The following NEURL1 variants were observed in gnomAD, a reference collection of about 807,000 sequenced individuals.
The protein encoded by NEURL1 is neuralized E3 ubiquitin protein ligase 1.
Under a neutral mutation model 41.2 loss-of-function variants are expected in NEURL1, and 26 were observed. The observed-to-expected ratio is 0.63, with a 90% confidence interval of 0.46 to 0.87. NEURL1 has a LOEUF of 0.87. Ranked by LOEUF, NEURL1 falls within the 40% of genes least tolerant of loss-of-function variation. The pLI is 0.00. For missense variants in NEURL1, 761 were observed against 871.1 expected (o/e 0.87, Z 1.59); for synonymous variants, 400 against 402.3 (o/e 0.99, Z 0.07).
At chr10:103,571,948 G>C in intron 3 of NEURL1, 126 bp downstream of exon 3, 2 of 962,202 alleles carry the variant, frequency 2.1e-6, no homozygotes, top group Admixed American at 2.9e-5. Flanking sequence ...AAGGGGAACC[G>C]GGGCAGCCCT....
In NEURL1 at chr10:103,566,360, T is replaced by G. The variant is rs1040103899; in HGVS notation, c.86-4512T>G. ...TAAAAACTTCCTTCCTGCCTCTTTG[T>G]AGTCAAATCTCTCCCCTACTCTCCT... On this transcript the variant is annotated intron_variant, in intron 1 of 5. Transcript: ENST00000369780. This position sits in a 1 kb window ranked among gnomAD's most constrained non-coding sequence, Gnocchi z 4.2. Among the ~76,000 whole-genome samples, 22 of 152,212 alleles carry G rather than the reference T, an allele frequency of 1.4e-4. No homozygotes were observed. Among genetic ancestry groups the G allele is most frequent in the Non-Finnish European group, 2.2e-4 (15 of 68,040 alleles).
At chr10:103,581,597 T>C (rs969608286) in intron 3 of NEURL1, among the ~76,000 whole-genome samples, 2 of 152,214 alleles carry the variant, frequency 1.3e-5, no homozygotes, top group Non-Finnish European at 2.9e-5. Flanking sequence ...TGCACTTAAC[T>C]GTGCTCCTGT....
intron 1 of NEURL1, among the ~76,000 whole-genome samples, chr10:103,568,920 T>C (rs1174019165): frequency 1.3e-5 from 2 of 152,214 alleles, no homozygotes; most frequent in South Asian, 2.1e-4. Flanking sequence ...GTTCAAGTGA[T>C]TCTCCTGCCT....
chr10:103,584,413 G>A (rs2035851320), intron 3 of NEURL1, 123 bp from the exon 4 acceptor site: 7 of 494,236 alleles, frequency 1.4e-5, no homozygotes, highest in Admixed American at 9.1e-5. Context: ...TATGTCACAA[G>A]CATCGTGTGC....
chr10:103,541,444 A>G (rs985226168), intron 1 of NEURL1, among the ~76,000 whole-genome samples: 1 of 152,118 alleles, frequency 6.6e-6, no homozygotes, highest in South Asian at 2.1e-4. Flanking sequence ...ATTCTAAGAA[A>G]AGTTCTGCAA....
At chr10:103,530,168 G>A (rs1405485441) in intron 1 of NEURL1, among the ~76,000 whole-genome samples, 5 of 151,572 alleles carry the variant, frequency 3.3e-5, no homozygotes, top group Non-Finnish European at 7.4e-5. Flanking sequence ...TCAATCTTTT[G>A]TGTTTTCTTT....
At chr10:103,584,478 C>A (rs1592242366) in intron 3 of NEURL1, 58 bp from the exon 4 acceptor site, 1 of 1,169,628 alleles carries the variant, frequency 8.5e-7, no homozygotes, top group Non-Finnish European at 1.1e-6. Flanking sequence ...GACAGCGGGG[C>A]GCGCCGGGGC....
At chr10:103,580,079 G>A (rs1299789491) in intron 3 of NEURL1, among the ~76,000 whole-genome samples, 1 of 152,136 alleles carries the variant, frequency 6.6e-6, no homozygotes, top group African/African-American at 2.4e-5. Flanking sequence ...CACACAGTAG[G>A]TCAGTGAGTA....
intron 4 of NEURL1, among the ~76,000 whole-genome samples, chr10:103,587,067 A>C (rs976553701): frequency 6.6e-5 from 10 of 152,146 alleles, no homozygotes; most frequent in African/African-American, 2.4e-4. Context: ...AAAGAGAGAG[A>C]GAGAAAGAAA....
Position 103,586,694 on chromosome 10 carries a change from C to T in NEURL1, c.1339+1469C>T, listed in dbSNP as rs924018036. On this transcript the variant is annotated intron_variant, in intron 4 of 5. Transcript: ENST00000369780. ...AGAGCATGAGAAATCATATAAAAAA[C>T]ATTGGGGACTTCCACCTCTGCAAAG... Among the ~76,000 whole-genome samples the T allele has an allele frequency of 1.3e-5, 2 of 152,134 alleles. 1 individual carries two copies. Among genetic ancestry groups the T allele is most frequent in the Admixed American group, 1.3e-4 (2 of 15,280 alleles).
intron 1 of NEURL1, among the ~76,000 whole-genome samples, chr10:103,522,230 A>T (rs2034365535): frequency 6.6e-6 from 1 of 151,850 alleles, no homozygotes; most frequent in African/African-American, 2.4e-5. Context: ...GTCACAGGGG[A>T]TATGATGGCT....
At position 103,493,758 on chromosome 10, in the gene NEURL1, C is replaced by G. The variant is rs923812645; in HGVS notation, c.-630C>G. Among the ~76,000 whole-genome samples, 6 of 151,964 alleles carry G rather than the reference C, an allele frequency of 3.9e-5. No individual in the cohort carries two copies. The highest frequency in any genetic ancestry group is 6.5e-5 in the Admixed American group (1 of 15,278). Reference sequence around the variant, plus strand: ...CCATAACAACCGGAGCGAGGGAATCCTGGAGACTGCCGGGGCGGGGGGCGG... The same window carrying G: ...CCATAACAACCGGAGCGAGGGAATCGTGGAGACTGCCGGGGCGGGGGGCGG... On this transcript the variant is annotated 5_prime_UTR_variant, in exon 1 of 6. Transcript: ENST00000369780.
chr10:103,544,774 G>C (rs974657863), intron 1 of NEURL1, among the ~76,000 whole-genome samples: 1 of 152,184 alleles, frequency 6.6e-6, no homozygotes, highest in African/African-American at 2.4e-5. Context: ...GGTTCCCAGG[G>C]AAGAGACCTC....
At chr10:103,574,196 T>C (rs577915922) in intron 3 of NEURL1, among the ~76,000 whole-genome samples, 1 of 152,142 alleles carries the variant, frequency 6.6e-6, no homozygotes, top group Admixed American at 6.5e-5. Flanking sequence ...TGCCCACAGA[T>C]AACCCAGGCT....
At chr10:103,518,100 G>C (rs1250135603) in intron 1 of NEURL1, among the ~76,000 whole-genome samples, 1 of 152,102 alleles carries the variant, frequency 6.6e-6, no homozygotes, top group South Asian at 2.1e-4. Context: ...CATGGACTGG[G>C]AGTACCTTAT....
chr10:103,569,445 C>G (rs2035491946), intron 1 of NEURL1, among the ~76,000 whole-genome samples: 1 of 152,212 alleles, frequency 6.6e-6, no homozygotes, highest in Non-Finnish European at 1.5e-5. Context: ...CAACAGCTAG[C>G]CTTTCACCAG....
At chr10:103,540,556 C>T (rs1350672220) in intron 1 of NEURL1, among the ~76,000 whole-genome samples, 1 of 152,224 alleles carries the variant, frequency 6.6e-6, no homozygotes, top group Non-Finnish European at 1.5e-5. Flanking sequence ...TCCCAAAGTG[C>T]TGGGATTACA....
intron 3 of NEURL1, among the ~76,000 whole-genome samples, chr10:103,579,969 AC>A (rs2035751517): frequency 6.6e-6 from 1 of 152,124 alleles, no homozygotes; most frequent in South Asian, 2.1e-4. Flanking sequence ...AATAAAAAAA[AC>A]ATGTCCTGCC....
At chr10:103,584,049 CAA>C (rs2035842457) in intron 3 of NEURL1, among the ~76,000 whole-genome samples, 1 of 152,028 alleles carries the variant, frequency 6.6e-6, no homozygotes, top group African/African-American at 2.4e-5. Context: ...ACAATGTACG[CAA>C]AGAGGGTGTC....
Sources: allele counts gnomAD v4.1 joint callset (sites outside exome capture counted in the v4.1 genomes callset), GRCh38; gene constraint gnomAD v4.1.1; non-coding constraint Gnocchi (gnomAD v3.1); transcripts MANE v1.5; gene names NCBI Gene and HGNC (gene_info 2026-07-23, HGNC 2026-07-21).